Variants in SLC14A2 observed in about 807,000 individuals in gnomAD.
SLC14A2 encodes the protein solute carrier family 14 member 2.
SLC14A2 carries 91 observed loss-of-function variants against 104.6 expected under a neutral mutation model. The observed-to-expected ratio is 0.87, with a 90% confidence interval of 0.73 to 1.04. The LOEUF (loss-of-function observed/expected upper bound fraction) is 1.04, where lower values mean the gene tolerates loss of function less well. Ranked by LOEUF, SLC14A2 falls within the 50% of genes least tolerant of loss-of-function variation. The probability of loss-of-function intolerance (pLI) is 0.00; values close to 1 mark genes in which losing one functional copy is unlikely to be tolerated. For missense variants in SLC14A2, 1,189 were observed against 1,156.0 expected (o/e 1.03, Z -0.41); for synonymous variants, 476 against 466.4 (o/e 1.02, Z -0.27).
chr18:45,193,944 T>TC, the SLC14A2 span, among the ~76,000 whole-genome samples: 3 of 152,206 alleles, frequency 2.0e-5, no homozygotes, highest in Non-Finnish European at 4.4e-5. Context: ...TCTCTGATTT[T>TC]CCCCAAATAT....
chr18:45,311,750 G>A (rs1259770237), intron 1 of SLC14A2, among the ~76,000 whole-genome samples: 1 of 152,200 alleles, frequency 6.6e-6, no homozygotes, highest in Non-Finnish European at 1.5e-5. Context: ...CATCCTCAAA[G>A]TTGAGTAGTT....
intron 1 of SLC14A2, among the ~76,000 whole-genome samples, chr18:45,216,821 G>A (rs961919086): frequency 6.6e-6 from 1 of 152,048 alleles, no homozygotes; most frequent in Non-Finnish European, 1.5e-5. Flanking sequence ...AGAAGGTTAG[G>A]GCCTTTGATT....
At chr18:45,434,051 C>A (rs1262223188) in intron 1 of SLC14A2, among the ~76,000 whole-genome samples, 1 of 152,158 alleles carries the variant, frequency 6.6e-6, no homozygotes, top group Non-Finnish European at 1.5e-5. Flanking sequence ...TCTGAGGGTT[C>A]TTCTGGGTTT....
intron 1 of SLC14A2, among the ~76,000 whole-genome samples, chr18:45,475,127 C>T (rs929853701): frequency 9.9e-5 from 15 of 152,262 alleles, no homozygotes; most frequent in South Asian, 8.3e-4. Context: ...GCCTTAATTT[C>T]GTTATGTACC....
At chr18:45,286,903 T>C (rs2084820520) in intron 1 of SLC14A2, among the ~76,000 whole-genome samples, 1 of 152,238 alleles carries the variant, frequency 6.6e-6, no homozygotes, top group Non-Finnish European at 1.5e-5. Flanking sequence ...TAGATTTATG[T>C]TCATACATTA....
intron 1 of SLC14A2, among the ~76,000 whole-genome samples, chr18:45,394,943 A>T (rs941633095): frequency 6.6e-6 from 1 of 152,226 alleles, no homozygotes; most frequent in African/African-American, 2.4e-5. Flanking sequence ...TAGTCCTGCC[A>T]TATGATCCAG....
At chr18:45,309,395 G>A (rs2085055697) in intron 1 of SLC14A2, among the ~76,000 whole-genome samples, 1 of 150,782 alleles carries the variant, frequency 6.6e-6, no homozygotes, top group Non-Finnish European at 1.5e-5. Flanking sequence ...TGCAATCATA[G>A]CCAACTACAG....
At chr18:45,177,222 TTC>T in the SLC14A2 span, among the ~76,000 whole-genome samples, 2 of 149,072 alleles carry the variant, frequency 1.3e-5, no homozygotes, top group African/African-American at 5.0e-5. Flanking sequence ...AGCTACTATC[TTC>T]TCTCATGCAT....
chr18:45,548,377 G>A (rs746496020), intron 2 of SLC14A2, among the ~76,000 whole-genome samples: 13 of 152,028 alleles, frequency 8.6e-5, no homozygotes, highest in East Asian at 1.9e-4. Flanking sequence ...TTTTTGATTC[G>A]GGGAAAAGAG....
chr18:45,240,448 T>A (rs1212105594), intron 1 of SLC14A2, among the ~76,000 whole-genome samples: 2 of 152,004 alleles, frequency 1.3e-5, no homozygotes, highest in Non-Finnish European at 2.9e-5. Context: ...ATGCCCAGTA[T>A]ATATGTGATT....
At chr18:45,360,535 C>T (rs2085600310) in intron 1 of SLC14A2, among the ~76,000 whole-genome samples, 1 of 152,228 alleles carries the variant, frequency 6.6e-6, no homozygotes, top group African/African-American at 2.4e-5. Flanking sequence ...TTTCTAAAGG[C>T]TTCTGGTAAG....
intron 1 of SLC14A2, among the ~76,000 whole-genome samples, chr18:45,224,321 T>C (rs1192252465): frequency 6.6e-6 from 1 of 152,166 alleles, no homozygotes; most frequent in Non-Finnish European, 1.5e-5. Context: ...AAGAAACTGA[T>C]GGACAGAATG....
chr18:45,534,527 C>T (rs1007355855), intron 2 of SLC14A2, among the ~76,000 whole-genome samples: 5 of 152,008 alleles, frequency 3.3e-5, no homozygotes, highest in African/African-American at 1.2e-4. Flanking sequence ...ATCAAGGCCT[C>T]GTAAATTTAA....
At chr18:45,284,486 G>C (rs1312162039) in intron 1 of SLC14A2, among the ~76,000 whole-genome samples, 2 of 152,064 alleles carry the variant, frequency 1.3e-5, no homozygotes, top group Non-Finnish European at 2.9e-5. Flanking sequence ...CCTCCACCCT[G>C]CCCTGGGCTC....
chr18:45,290,793 G>T lies in SLC14A2; in HGVS notation c.-125+77602G>T, dbSNP rs150146349. Among the ~76,000 whole-genome samples the T allele has an allele frequency of 1.2e-4, 19 of 152,202 alleles. No homozygotes were observed. In the East Asian group the frequency reaches 3.7e-3, roughly 29 times the overall value. The stretch of plus-strand genomic sequence containing the variant: ...CTGTTTATTTTTAGTTATTTAATGT[G>T]GCTACTAGAAAATTTAAAATTTCAT... On this transcript the variant is annotated intron_variant, in intron 1 of 20. Transcript: ENST00000586448.
At position 45,354,411 on chromosome 18, in the gene SLC14A2, C is replaced by A. The variant is rs532809868; in HGVS notation, c.-124-128822C>A. Among the ~76,000 whole-genome samples, 17 of 152,318 alleles carry A rather than the reference C, an allele frequency of 1.1e-4. No homozygotes were observed. The South Asian group carries it at 2.5e-3, about 22-fold the overall frequency. On this transcript the variant is annotated intron_variant, in intron 1 of 20. Transcript: ENST00000586448. ...GGTGGCAGCAGGGGTGGCTGTGACC[C>A]ATTCCTCCGCTCACTACTTCAACCC...
chr18:45,400,439 G>T (rs77109468), intron 1 of SLC14A2, among the ~76,000 whole-genome samples: 2,692 of 152,208 alleles, frequency 0.018, 92 homozygotes, highest in African/African-American at 0.06. Context: ...TCTTCTCATT[G>T]GTATTCTCTA....
intron 1 of SLC14A2, among the ~76,000 whole-genome samples, chr18:45,215,198 C>G (rs2083999267): frequency 6.6e-6 from 1 of 152,158 alleles, no homozygotes; most frequent in African/African-American, 2.4e-5. Context: ...TTGCCTTATA[C>G]ATTATTCATG....
intron 1 of SLC14A2, among the ~76,000 whole-genome samples, chr18:45,224,759 G>A (rs1330989232): frequency 6.6e-6 from 1 of 152,184 alleles, no homozygotes; most frequent in Non-Finnish European, 1.5e-5. Context: ...AGTTCATACA[G>A]CTAGTAAGTG....
Sources: gnomAD v4.1 joint callset for allele counts (sites outside exome capture counted in the v4.1 genomes callset) on GRCh38, gnomAD v4.1.1 for gene constraint, MANE v1.5 for transcripts, NCBI Gene and HGNC (gene_info 2026-07-23, HGNC 2026-07-21) for gene names.